The following CACNA1E variants were observed in gnomAD, a reference collection of about 807,000 sequenced individuals.
CACNA1E encodes voltage-dependent R-type calcium channel subunit alpha-1E.
CACNA1E carries 40 observed loss-of-function variants against 259.2 expected under a neutral mutation model. That is an observed-to-expected ratio of 0.15 (90% CI 0.12 to 0.20). CACNA1E has a LOEUF of 0.20. Among genes scored for constraint, CACNA1E ranks in the 10% least tolerant of loss-of-function variants. The pLI, the probability that CACNA1E is intolerant of heterozygous loss-of-function variation, is 1.00. For missense variants in CACNA1E, 1,874 were observed against 3,040.1 expected (o/e 0.62, Z 9.02); for synonymous variants, 1,104 against 1,138.5 (o/e 0.97, Z 0.61).
chr1:181,745,476 G>T, intron 25 of CACNA1E: 1 of 350,654 alleles, frequency 2.9e-6, no homozygotes. Context: ...CAACCAACTA[G>T]ACCCAGATAT....
intron 9 of CACNA1E, 145 bp downstream of exon 9, chr1:181,715,536 T>C: frequency 3.2e-6 from 2 of 621,890 alleles, no homozygotes; most frequent in Non-Finnish European, 5.7e-6. Flanking sequence ...AAATCCCTCA[T>C]GCTTTAAAAT....
chr1:181,728,446 G>A (rs562232750), intron 18 of CACNA1E, among the ~76,000 whole-genome samples: 90 of 152,236 alleles, frequency 5.9e-4, no homozygotes, highest in Non-Finnish European at 1.2e-3. Flanking sequence ...CCCGGGCTTT[G>A]GTGCTGTACA....
At chr1:181,569,784 T>C (rs778954425) in intron 3 of CACNA1E, among the ~76,000 whole-genome samples, 5 of 152,244 alleles carry the variant, frequency 3.3e-5, no homozygotes, top group Non-Finnish European at 5.9e-5. Context: ...AGAGCATTAC[T>C]GTTGCATATT....
Position 181,737,556 on chromosome 1 carries a change from C to T in CACNA1E, c.3454C>T (p.Leu1152=), listed in dbSNP as rs1184980010. The change falls in exon 23 of 48, where the codon CTG becomes TTG. Residue 1152 remains leucine (L), a synonymous_variant. Transcript: ENST00000367573. ...IRRACHYIVN[L]RYFEMCILLV... Reference sequence around the variant, plus strand: ...GAGGGCCTGCCACTACATCGTGAACCTGCGCTACTTTGAGATGTGCATCCT... The same window carrying T: ...GAGGGCCTGCCACTACATCGTGAACTTGCGCTACTTTGAGATGTGCATCCT... 1 of 1,614,036 alleles carries T rather than the reference C, an allele frequency of 6.2e-7. No homozygotes were observed.
intron 34 of CACNA1E, among the ~76,000 whole-genome samples, chr1:181,764,039 C>T (rs1658814891): frequency 6.6e-6 from 1 of 152,152 alleles, no homozygotes; most frequent in Non-Finnish European, 1.5e-5. Flanking sequence ...TTTCCTGAGC[C>T]ACTGAACACA....
At chr1:181,416,155 C>G (rs766146662) in intron 2 of CACNA1E, among the ~76,000 whole-genome samples, 1 of 152,182 alleles carries the variant, frequency 6.6e-6, no homozygotes, top group Admixed American at 6.5e-5. Context: ...CCTCACAGGT[C>G]GCATGTGAAA....
At chr1:181,573,384 C>G (rs918977630) in intron 3 of CACNA1E, among the ~76,000 whole-genome samples, 3 of 152,170 alleles carry the variant, frequency 2.0e-5, no homozygotes, top group Non-Finnish European at 4.4e-5. Flanking sequence ...TTCCAGTAGC[C>G]TCCTGATTAA....
chr1:181,338,677 T>C (rs1651911376), intron 1 of CACNA1E, among the ~76,000 whole-genome samples: 1 of 152,202 alleles, frequency 6.6e-6, no homozygotes, highest in South Asian at 2.1e-4. Context: ...GTACCACTTG[T>C]TTATTTTTGC....
intron 6 of CACNA1E, among the ~76,000 whole-genome samples, chr1:181,607,685 A>G (rs1171538283): frequency 6.6e-6 from 1 of 152,190 alleles, no homozygotes; most frequent in Non-Finnish European, 1.5e-5. Flanking sequence ...TATGTCAAAT[A>G]CTTTGAAAAC....
intron 1 of CACNA1E, among the ~76,000 whole-genome samples, chr1:181,390,591 G>A (rs1054172220): frequency 1.4e-4 from 22 of 152,250 alleles, no homozygotes; most frequent in African/African-American, 3.8e-4. Context: ...GACTGGAAGC[G>A]AGGGCTCAGA....
intron 6 of CACNA1E, among the ~76,000 whole-genome samples, chr1:181,603,822 G>A (rs975701561): frequency 3.9e-5 from 6 of 152,128 alleles, no homozygotes; most frequent in African/African-American, 7.2e-5. Context: ...TCTCGCCTCC[G>A]CCTGCCTGTC....
At chr1:181,728,240 G>T (rs1355431329) in intron 18 of CACNA1E, among the ~76,000 whole-genome samples, 1 of 152,188 alleles carries the variant, frequency 6.6e-6, no homozygotes, top group Non-Finnish European at 1.5e-5. Context: ...AGATGAGGAA[G>T]CCTGGGGGAG....
intron 2 of CACNA1E, among the ~76,000 whole-genome samples, chr1:181,478,479 C>A (rs1663009653): frequency 1.3e-5 from 2 of 152,222 alleles, no homozygotes; most frequent in Non-Finnish European, 2.9e-5. Context: ...GGTCTCCTGC[C>A]AACTTTTTTC....
At chr1:181,334,787 G>C (rs962235850) in intron 1 of CACNA1E, among the ~76,000 whole-genome samples, 2 of 152,150 alleles carry the variant, frequency 1.3e-5, no homozygotes, top group African/African-American at 2.4e-5. Context: ...GCAGCTCAAA[G>C]GATCCTTTAG....
At chr1:181,482,085 C>T (rs960579918), upstream of CACNA1E, among the ~76,000 whole-genome samples, 1 of 152,192 alleles carries the variant, frequency 6.6e-6, no homozygotes, top group Non-Finnish European at 1.5e-5. Flanking sequence ...GTGTGGAACC[C>T]CCAGAGGTCC....
intron 6 of CACNA1E, among the ~76,000 whole-genome samples, chr1:181,643,082 A>T (rs911866142): frequency 2.0e-5 from 3 of 152,182 alleles, no homozygotes; most frequent in African/African-American, 7.2e-5. Context: ...AAATTCACCC[A>T]TGACCCAGAA....
At chr1:181,454,458 T>A (rs368694266) in intron 2 of CACNA1E, among the ~76,000 whole-genome samples, 2 of 152,316 alleles carry the variant, frequency 1.3e-5, no homozygotes. Flanking sequence ...TTAGACAAGG[T>A]GAAATGAAGC....
chr1:181,382,210 T>C (rs924608613), intron 1 of CACNA1E, among the ~76,000 whole-genome samples: 95 of 152,250 alleles, frequency 6.2e-4, no homozygotes, highest in African/African-American at 2.3e-3. Flanking sequence ...TGCAGAGGCC[T>C]TGAGATGAGA....
chr1:181,527,952 T>C (rs911376386), intron 3 of CACNA1E, among the ~76,000 whole-genome samples: 1 of 152,240 alleles, frequency 6.6e-6, no homozygotes, highest in Non-Finnish European at 1.5e-5. Context: ...TCTTTCTGTA[T>C]TGATCAGCAT....
Sources: allele counts gnomAD v4.1 joint callset (sites outside exome capture counted in the v4.1 genomes callset), GRCh38; gene constraint gnomAD v4.1.1; transcripts MANE v1.5; gene names NCBI Gene and HGNC (gene_info 2026-07-23, HGNC 2026-07-21).